The following CACNA1H variants were observed in gnomAD, a reference collection of about 807,000 sequenced individuals.
The protein encoded by CACNA1H is calcium voltage-gated channel subunit alpha1 H.
In CACNA1H, 149 loss-of-function variants were observed where a neutral mutation model predicts 192.5. The observed-to-expected ratio is 0.77, with a 90% CI of 0.68 to 0.89. The LOEUF is 0.89. CACNA1H is among the 40% of genes least tolerant of loss of function. CACNA1H has a pLI of 0.00. For missense variants in CACNA1H, 4,257 were observed against 3,423.5 expected (o/e 1.24, Z -6.08); for synonymous variants, 2,202 against 1,475.2 (o/e 1.49, Z -11.29).
chr16:1,171,015 T>G (rs1309688053), intron 2 of CACNA1H, among the ~76,000 whole-genome samples: 1 of 151,628 alleles, frequency 6.6e-6, no homozygotes, highest in Non-Finnish European at 1.5e-5. Flanking sequence ...TCTCTAGCTC[T>G]CCCCCCAACC....
intron 2 of CACNA1H, among the ~76,000 whole-genome samples, chr16:1,166,898 C>A (rs1469563083): frequency 6.6e-6 from 1 of 152,144 alleles, no homozygotes; most frequent in Admixed American, 6.5e-5. Flanking sequence ...GCTCCAGGTT[C>A]GGGGGAAACC....
In CACNA1H at chr16:1,221,397, T is replaced by TCTC; in HGVS notation, c.*403_*404insCTC. ...GCCCTGTGCCCTTGCCGGCGGCAGG[T>TCTC]TGCAGCCACCGCGGCCCAATGTCAC... On this transcript the variant is annotated 3_prime_UTR_variant, in exon 35 of 35. Transcript: ENST00000348261. 1 of 303,242 alleles carries TCTC rather than the reference T, an allele frequency of 3.3e-6. No individual in the cohort carries two copies. The highest frequency in any genetic ancestry group is 6.1e-6 in the Non-Finnish European group (1 of 164,274). The allele number at this position is 303,242 out of a possible 1,614,324, so 18.8% of individuals were successfully genotyped here. A position where few individuals can be genotyped will look rare whatever the true frequency, so the allele number is the denominator to read the frequency against.
In CACNA1H at chr16:1,200,165, T is replaced by C. The variant is rs558338218; in HGVS notation, c.804-91T>C. On this transcript the variant is annotated intron_variant, in intron 6 of 34. Coordinates refer to ENST00000348261, the MANE Select transcript of CACNA1H (RefSeq NM_021098.3). ...CCTGACCCTGATCACGTCCCTGACC[T>C]TGATCACGTCCCTGATCACAATCGT... 1.0e-5 allele frequency: 11 copies of C among 1,048,746 alleles called. No individual in the cohort carries two copies. In the African/African-American group the frequency reaches 1.8e-4, roughly 17 times the overall value. 65.0% of individuals were successfully genotyped at this position (1,048,746 alleles called of 1,614,324 possible).
intron 9 of CACNA1H, among the ~76,000 whole-genome samples, chr16:1,203,410 G>A (rs1186133243): frequency 6.6e-6 from 1 of 152,190 alleles, no homozygotes; most frequent in Admixed American, 6.5e-5. Flanking sequence ...TCTGTGGATG[G>A]CACAGCCCAA....
intron 2 of CACNA1H, among the ~76,000 whole-genome samples, chr16:1,185,026 C>G (rs1965844423): frequency 6.6e-6 from 1 of 152,204 alleles, no homozygotes; most frequent in South Asian, 2.1e-4. Context: ...GAAACCGCAT[C>G]CCCATCAGCC....
intron 2 of CACNA1H, among the ~76,000 whole-genome samples, chr16:1,194,201 G>C (rs8053994): frequency 6.6e-6 from 1 of 151,926 alleles, no homozygotes; most frequent in East Asian, 1.9e-4. Context: ...AATCAGCTGT[G>C]AGAGGATGCC....
chr16:1,177,277 C>T (rs985597735), intron 2 of CACNA1H, among the ~76,000 whole-genome samples: 6 of 152,336 alleles, frequency 3.9e-5, no homozygotes, highest in East Asian at 1.9e-4. Context: ...CCTCCAGGGC[C>T]GGGTCCCCTG....
chr16:1,204,576 C>A, intron 10 of CACNA1H, 118 bp downstream of exon 10: 1 of 782,166 alleles, frequency 1.3e-6, no homozygotes, highest in Non-Finnish European at 2.0e-6. Flanking sequence ...TCAGGCAGGG[C>A]TCTAGAAAGC....
intron 2 of CACNA1H, among the ~76,000 whole-genome samples, chr16:1,193,440 C>G (rs1188054681): frequency 6.6e-6 from 1 of 152,252 alleles, no homozygotes; most frequent in African/African-American, 2.4e-5. Context: ...AAACCCCACC[C>G]CCACCTCGTC....
chr16:1,153,963 G>T lies in CACNA1H; in HGVS notation c.226G>T (p.Ala76Ser). 1 of 1,450,592 alleles carries T rather than the reference G, an allele frequency of 6.9e-7. No individual in the cohort carries two copies. Among genetic ancestry groups the T allele is most frequent in the Non-Finnish European group, 9.1e-7 (1 of 1,101,668 alleles). 89.9% of individuals were successfully genotyped at this position (1,450,592 alleles called of 1,614,324 possible). Residue 76 changes from alanine (A) to serine (S), a missense_variant, in exon 2 of 35, where the codon GCG becomes TCG. By Grantham distance (99) the Ala-to-Ser change is moderately conservative. Transcript: ENST00000348261. ...GCAGCGCGTCCCGTACCCGGCCTTG[G>T]CGGCCACGGTCTTCTTCTGCCTCGG... ...EEQRVPYPAL[A>S]ATVFFCLGQT...
At position 1,200,360 on chromosome 16, in the gene CACNA1H, C is replaced by T. The variant is rs867008505; in HGVS notation, c.908C>T (p.Ser303Leu). 19 of 1,598,924 alleles carry T rather than the reference C, an allele frequency of 1.2e-5. No individual in the cohort carries two copies. Among genetic ancestry groups the T allele is most frequent in the African/African-American group, 2.7e-5 (2 of 74,576 alleles). The change falls in exon 7 of 35, where the codon TCG becomes TTG. Residue 303 changes from serine (S) to leucine (L), a missense_variant. By Grantham distance (145) the Ser-to-Leu change is moderately radical. Coordinates refer to ENST00000348261, the MANE Select transcript of CACNA1H (RefSeq NM_021098.3). Reference sequence around the variant, plus strand: ...CGAGACAACGGCATGCAGAAGTGCTCGCACATCCCCGGCCGCCGCGAGCTG... The same window carrying T: ...CGAGACAACGGCATGCAGAAGTGCTTGCACATCCCCGGCCGCCGCGAGCTG... Reference protein sequence around the residue: ...SRRDNGMQKCSHIPGRRELRM... With the variant: ...SRRDNGMQKCLHIPGRRELRM...
rs1197979584 is a variant in CACNA1H at position 1,153,262 on chromosome 16, C to T, written c.-227C>T. 3 of 145,136 alleles carry T rather than the reference C, an allele frequency of 2.1e-5. No homozygotes were observed. Among genetic ancestry groups the T allele is most frequent in the African/African-American group, 7.4e-5 (3 of 40,294 alleles). The allele number at this position is 145,136 out of a possible 1,614,324, so 9.0% of individuals were successfully genotyped here. ...GCGCCGAGGCCGCCGCCGTCGCCTC[C>T]GCCGGGCGAGCCGGAGCCGGAGTCG... On this transcript the variant is annotated 5_prime_UTR_variant, in exon 1 of 35. Coordinates refer to ENST00000348261, the MANE Select transcript of CACNA1H (RefSeq NM_021098.3).
intron 12 of CACNA1H, chr16:1,206,690 C>T (rs1968754548): frequency 4.4e-6 from 2 of 458,602 alleles, no homozygotes; most frequent in Non-Finnish European, 7.9e-6. Context: ...TTTCACAGTC[C>T]AGAGAGGCTG....
intron 2 of CACNA1H, among the ~76,000 whole-genome samples, chr16:1,155,215 G>C (rs989158648): frequency 6.6e-6 from 1 of 152,222 alleles, no homozygotes; most frequent in African/African-American, 2.4e-5. Flanking sequence ...AGAGGAAGAG[G>C]AGGCTGCTGT....
rs935495677 is a variant in CACNA1H at position 1,221,624 on chromosome 16, G to A, written c.*630G>A. On this transcript the variant is annotated 3_prime_UTR_variant, in exon 35 of 35. Coordinates refer to ENST00000348261, the MANE Select transcript of CACNA1H (RefSeq NM_021098.3). ...TCAGGCCTCCCCTACATCTGGGGGCGTTGGCCGCGAGATTCCCATTGACAC... is the reference window on the plus strand; with the variant it reads ...TCAGGCCTCCCCTACATCTGGGGGCATTGGCCGCGAGATTCCCATTGACAC... 1.4e-4 allele frequency: 109 copies of A among 781,916 alleles called. No individual in the cohort carries two copies. The highest frequency in any genetic ancestry group is 1.1e-4 in the South Asian group (6 of 52,366). 48.4% of individuals were successfully genotyped at this position (781,916 alleles called of 1,614,324 possible). A position where few individuals can be genotyped will look rare whatever the true frequency, so the allele number is the denominator to read the frequency against.
chr16:1,177,458 A>AGC (rs1208059520), intron 2 of CACNA1H, among the ~76,000 whole-genome samples: 1 of 152,176 alleles, frequency 6.6e-6, no homozygotes, highest in Non-Finnish European at 1.5e-5. Flanking sequence ...TGGCACAGCT[A>AGC]GCGGCTCACG....
chr16:1,154,003 C>T lies in CACNA1H; in HGVS notation c.266C>T (p.Pro89Leu). ...VFFCLGQTTR[P>L]RSWCLRLVCN... ...TTCTGCCTCGGTCAGACCACGCGGC[C>T]GCGCAGCTGGTGCCTCCGGCTGGTC... The change falls in exon 2 of 35, where the codon CCG (proline) becomes CTG (leucine). Residue 89 changes from proline (P) to leucine (L), a missense_variant. Physicochemically the swap from Pro to Leu is moderately conservative, Grantham distance 98 (BLOSUM62 -3). Transcript: ENST00000348261. The T allele has an allele frequency of 1.4e-6, 2 of 1,420,820 alleles. No individual in the cohort carries two copies. Among genetic ancestry groups the T allele is most frequent in the Non-Finnish European group, 1.8e-6 (2 of 1,085,484 alleles). The allele number at this position is 1,420,820 out of a possible 1,614,324, so 88.0% of individuals were successfully genotyped here.
rs532296550 is a variant in CACNA1H, at chr16:1,204,370, G to A, written c.2363G>A (p.Arg788His). The A allele has an allele frequency of 2.9e-5, 45 of 1,569,100 alleles. 1 individual carries two copies. In the East Asian group the frequency reaches 3.8e-4, roughly 13 times the overall value. Residue 788 changes from arginine to histidine, a missense_variant, in exon 10 of 35, where the codon CGC becomes CAC. Transcript: ENST00000348261. Reference protein sequence around the residue: ...LWVTFSGKLRRIVDSKYFSRG... With the variant: ...LWVTFSGKLRHIVDSKYFSRG... ...GTTACCTTCAGCGGCAAGCTGCGCC[G>A]CATCGTGGACAGCAAGTACTTCAGC...
chr16:1,199,141 C>T (rs1209687257), intron 6 of CACNA1H, among the ~76,000 whole-genome samples: 1 of 61,744 alleles, frequency 1.6e-5, no homozygotes, highest in Non-Finnish European at 3.7e-5. Flanking sequence ...ATCATGGCTC[C>T]GCCCACCGTG....
Sources: gnomAD v4.1 joint callset for allele counts (sites outside exome capture counted in the v4.1 genomes callset) on GRCh38, gnomAD v4.1.1 for gene constraint, MANE v1.5 for transcripts, NCBI Gene and HGNC (gene_info 2026-07-23, HGNC 2026-07-21) for gene names.